Variants in UCP2 observed in about 807,000 individuals in gnomAD.
UCP2 encodes dicarboxylate carrier SLC25A8.
In UCP2, 27 loss-of-function variants were observed where a neutral mutation model predicts 31.3. The ratio of observed to expected loss-of-function variants is 0.86; its 90% CI spans 0.64 to 1.19. UCP2 has a LOEUF of 1.19. Ranked by LOEUF, UCP2 falls within the 50% of genes most tolerant of loss-of-function variation. The pLI, the probability that UCP2 is intolerant of heterozygous loss-of-function variation, is 0.00. For missense variants in UCP2, 377 were observed against 413.5 expected, an observed-to-expected ratio of 0.91 and a Z score of 0.76; for synonymous variants, 142 against 157.4, an observed-to-expected ratio of 0.90 and a Z score of 0.73.
In UCP2 at chr11:73,978,299, G is replaced by A. The variant is rs755264006; in HGVS notation, c.80C>T (p.Ala27Val). Residue 27 changes from alanine (A) to valine (V), a missense_variant, in exon 3 of 8, where the codon GCA (alanine) becomes GTA (valine). Transcript: ENST00000663595. Reference protein sequence around the residue: ...FLGAGTAACIADLITFPLDTA... With the variant: ...FLGAGTAACIVDLITFPLDTA... ...ATCCAGAGGAAAGGTGATGAGATCT[G>A]CGATGCAGGCAGCTGTGCCAGCCCC... 7 of 1,614,200 alleles carry A rather than the reference G, an allele frequency of 4.3e-6. No individual in the cohort carries two copies. Among genetic ancestry groups the A allele is most frequent in the Middle Eastern group, 1.6e-4 (1 of 6,062 alleles).
In UCP2 at chr11:73,978,572, C is replaced by A. The variant is rs1951401669; in HGVS notation, c.-99-95G>T. ...CTCACCTTCCCTAATAGAACCAAGT[C>A]CCTCAGCAAGACTCCAAGTGGCCTC... On this transcript the variant is annotated intron_variant, in intron 2 of 7. Coordinates refer to ENST00000663595, the MANE Select transcript of UCP2 (RefSeq NM_003355.3). The A allele has an allele frequency of 5.9e-5, 45 of 762,082 alleles. No homozygotes were observed. The South Asian group carries it at 7.2e-4, about 12-fold the overall frequency. The allele number at this position is 762,082 out of a possible 1,614,324, so 47.2% of individuals were successfully genotyped here.
chr11:73,979,144 G>A (rs2135369715), intron 2 of UCP2, among the ~76,000 whole-genome samples: 1 of 152,328 alleles, frequency 6.6e-6, no homozygotes, highest in South Asian at 2.1e-4. Flanking sequence ...ACAGGGGGTG[G>A]ATGGGCAGAT....
chr11:73,977,015 C>T lies in UCP2; in HGVS notation c.340G>A (p.Ala114Thr), dbSNP rs2135365828. Residue 114 changes from alanine to threonine, a missense_variant and splice_region_variant, in exon 5 of 8, where the codon GCC becomes ACC. Transcript: ENST00000663595. ...KQFYTKGSEH[A>T]SIGSRLLAGS... is the part of the protein sequence containing the mutation. ...GCTAGGAGGCGGCTCCCAATGCTGG[C>T]ATCTGTGGGCGAGCCATGGGGTCAG... The T allele has an allele frequency of 1.3e-6, 2 of 1,597,756 alleles. No homozygotes were observed. Among genetic ancestry groups the T allele is most frequent in the South Asian group, 2.2e-5 (2 of 89,294 alleles).
Position 73,978,096 on chromosome 11 carries a change from T to C in UCP2, c.127A>G (p.Ile43Val). Residue 43 changes from isoleucine to valine, a missense_variant and splice_region_variant, in exon 4 of 8, where the codon ATC becomes GTC. Physicochemically the swap from Ile to Val is conservative, Grantham distance 29. Coordinates refer to ENST00000663595, the MANE Select transcript of UCP2 (RefSeq NM_003355.3). ...ACTGGCCCCTGACTTTCTCCTTGGA[T>C]CTGCAAGGCCAAGACAGGGTAGCTA... is the stretch of plus-strand genomic sequence containing the variant. ...PLDTAKVRLQ[I>V]QGESQGPVRA... 6.2e-7 allele frequency: 1 copy of C among 1,614,014 alleles called. No individual in the cohort carries two copies. The highest frequency in any genetic ancestry group is 2.2e-5 in the East Asian group (1 of 44,852).
Position 73,981,622 on chromosome 11 carries a change from T to C in UCP2, c.-246A>G, listed in dbSNP as rs1042072321. On this transcript the variant is annotated 5_prime_UTR_variant, in exon 2 of 8. The change abolishes an upstream ATG in the 5' untranslated region. Transcript: ENST00000663595. ...TGGGAGACGAAACACCTAATGGTCA[T>C]ACTATGTGTCCTGTGGGTGAGCAAA... The C allele has an allele frequency of 2.0e-5, 3 of 152,200 alleles. No individual in the cohort carries two copies. Among genetic ancestry groups the C allele is most frequent in the African/African-American group, 7.2e-5 (3 of 41,418 alleles). 9.4% of individuals were successfully genotyped at this position (152,200 alleles called of 1,614,324 possible).
chr11:73,982,378 G>A (rs1177539727), intron 1 of UCP2, among the ~76,000 whole-genome samples: 1 of 152,140 alleles, frequency 6.6e-6, no homozygotes, highest in East Asian at 1.9e-4. Flanking sequence ...CTTGAGCTCA[G>A]CAGTTCGAGG....
intron 6 of UCP2, among the ~76,000 whole-genome samples, chr11:73,976,025 C>A (rs960836204): frequency 6.6e-6 from 1 of 151,996 alleles, no homozygotes; most frequent in African/African-American, 2.4e-5. Flanking sequence ...ATTAATCACC[C>A]CACTGCACTC....
intron 2 of UCP2, chr11:73,981,025 T>C (rs1219675304): frequency 6.6e-6 from 1 of 152,206 alleles, no homozygotes; most frequent in African/African-American, 2.4e-5. Context: ...GTGGGTAAGA[T>C]GGCCCTACTA....
At chr11:73,978,126 G>A (rs1220133584) in intron 3 of UCP2, 30 bp from the exon 4 acceptor site, 21 of 1,613,818 alleles carry the variant, frequency 1.3e-5, no homozygotes, top group Admixed American at 6.7e-5. Context: ...TAGCTACAGG[G>A]ATAAGCATGT....
intron 6 of UCP2, among the ~76,000 whole-genome samples, chr11:73,976,422 T>C (rs1591219198): frequency 6.6e-6 from 1 of 152,130 alleles, no homozygotes; most frequent in East Asian, 1.9e-4. Context: ...TCTGAGGACC[T>C]GAAAGAGTCA....
chr11:73,975,822 TG>T lies in UCP2; in HGVS notation c.635-152del. On this transcript the variant is annotated intron_variant, in intron 6 of 7. Transcript: ENST00000663595. ...CATGCCTGTAATCCAGGACTTCTTT[TG>T]GAGGCCGAGGTGGGTGGATCACTTG... 3 of 841,848 alleles carry T rather than the reference TG, an allele frequency of 3.6e-6. No individual in the cohort carries two copies. The South Asian group carries it at 4.6e-5, about 13-fold the overall frequency. 52.1% of individuals were successfully genotyped at this position (841,848 alleles called of 1,614,324 possible).
chr11:73,978,664 A>T, intron 2 of UCP2, 187 bp from the exon 3 acceptor site: 1 of 431,302 alleles, frequency 2.3e-6, no homozygotes, highest in South Asian at 2.1e-5. Context: ...TTCCTGCTCA[A>T]GCAGTCAATA....
At position 73,975,621 on chromosome 11, in the gene UCP2, T is replaced by C. The variant is rs2135363060; in HGVS notation, c.685A>G (p.Thr229Ala). ...TSAFGAGFCT[T>A]VIASPVDVVK... ...ACGTCTACAGGGGAGGCGATGACAGTGGTGCAGAAGCCTGCCCCAAAGGCA... is the reference window on the plus strand; with the variant it reads ...ACGTCTACAGGGGAGGCGATGACAGCGGTGCAGAAGCCTGCCCCAAAGGCA... Residue 229 changes from threonine (T) to alanine (A), a missense_variant, in exon 7 of 8, where the codon ACT becomes GCT. By Grantham distance (58) the Thr-to-Ala change is moderately conservative. Transcript: ENST00000663595. The C allele has an allele frequency of 6.2e-7, 1 of 1,614,130 alleles. No individual in the cohort carries two copies.
chr11:73,974,770 G>A lies in UCP2; in HGVS notation c.*237C>T, dbSNP rs189439144. ...GAACTTTCCAAGGGACGGGACGCTT[G>A]GGATCCTGGCTGGTACGAGGCCTCC... On this transcript the variant is annotated 3_prime_UTR_variant, in exon 8 of 8. Coordinates refer to ENST00000663595, the MANE Select transcript of UCP2 (RefSeq NM_003355.3). The A allele has an allele frequency of 8.4e-5, 31 of 370,856 alleles. No homozygotes were observed. In the East Asian group the frequency reaches 1.2e-3, roughly 15 times the overall value. 23.0% of individuals were successfully genotyped at this position (370,856 alleles called of 1,614,324 possible).
At chr11:73,980,169 G>C (rs1951428570) in intron 2 of UCP2, 2 of 152,338 alleles carry the variant, frequency 1.3e-5, no homozygotes, top group South Asian at 4.1e-4. Context: ...AGGGTGACCT[G>C]CTTCTTCCCC....
chr11:73,976,563 TG>T, intron 6 of UCP2, 77 bp downstream of exon 6: 1 of 1,115,292 alleles, frequency 9.0e-7, no homozygotes, highest in Non-Finnish European at 1.4e-6. Flanking sequence ...TGTGGTCTTC[TG>T]GTGTCAGCTA....
intron 2 of UCP2, among the ~76,000 whole-genome samples, chr11:73,979,711 G>A (rs1006417821): frequency 6.6e-6 from 1 of 151,998 alleles, no homozygotes; most frequent in African/African-American, 2.4e-5. Flanking sequence ...CAGGCCTATA[G>A]TCCCAGCTAC....
chr11:73,978,596 T>A (rs1356752347), intron 2 of UCP2, 119 bp from the exon 3 acceptor site: 1 of 620,392 alleles, frequency 1.6e-6, no homozygotes, highest in Non-Finnish European at 2.7e-6. Flanking sequence ...CCAAGTGGCC[T>A]CATGAGGGAA....
chr11:73,975,010 G>A lies in UCP2; in HGVS notation c.927C>T (p.Phe309=). 6.3e-7 allele frequency: 1 copy of A among 1,587,998 alleles called. No homozygotes were observed. Among genetic ancestry groups the A allele is most frequent in the Admixed American group, 1.7e-5 (1 of 57,206 alleles). The change falls in exon 8 of 8, where the codon TTC becomes TTT. Residue 309 remains phenylalanine (F), a synonymous_variant. Coordinates refer to ENST00000663595, the MANE Select transcript of UCP2 (RefSeq NM_003355.3). The stretch of plus-strand genomic sequence containing the variant: ...TCAGGTCAGCAGCAGGAGAGGCTCA[G>A]AAGGGAGCCTCTCGGGAAGTGCAGG... ...MAACTSREAP[F] is the part of the protein sequence containing the mutation.
Sources: gnomAD v4.1 joint callset for allele counts (sites outside exome capture counted in the v4.1 genomes callset) on GRCh38, gnomAD v4.1.1 for gene constraint, MANE v1.5 for transcripts, NCBI Gene and HGNC (gene_info 2026-07-23, HGNC 2026-07-21) for gene names.